The following GPR161 variants were observed in gnomAD, a reference collection of about 807,000 sequenced individuals.
GPR161 encodes G-protein coupled receptor RE2.
In GPR161, 25 loss-of-function variants were observed where a neutral mutation model predicts 39.2. The ratio of observed to expected loss-of-function variants is 0.64; its 90% CI spans 0.47 to 0.89. The LOEUF (loss-of-function observed/expected upper bound fraction) is 0.89, where lower values mean the gene tolerates loss of function less well. Among genes scored for constraint, GPR161 ranks in the 40% least tolerant of loss-of-function variants. The pLI is 0.00. For missense variants in GPR161, 547 were observed against 677.8 expected (o/e 0.81, Z 2.14); for synonymous variants, 286 against 276.6 (o/e 1.03, Z -0.34).
intron 3 of GPR161, among the ~76,000 whole-genome samples, chr1:168,094,344 C>T (rs1695336491): frequency 6.6e-6 from 1 of 152,108 alleles, no homozygotes; most frequent in African/African-American, 2.4e-5. Flanking sequence ...TGAAATGAAG[C>T]CCAACATTGA....
upstream of GPR161, chr1:168,137,522 C>G: frequency 1.2e-6 from 1 of 802,350 alleles, no homozygotes; most frequent in South Asian, 1.5e-5. Context: ...GTAAACAGGT[C>G]TTCACACTGC....
At chr1:168,097,718 T>C (rs1263545638) in intron 2 of GPR161, among the ~76,000 whole-genome samples, 5 of 152,140 alleles carry the variant, frequency 3.3e-5, no homozygotes, top group Non-Finnish European at 5.9e-5. Context: ...CTCCTGGAAA[T>C]GCAGTTGAGA....
rs1334770699 is a variant in GPR161, at chr1:168,097,232, G to A, written c.375C>T (p.Arg125=). ...MLTLGVIAID[R]YYAVLYPMVY... ...CCATGGGGTACAGGACAGCATAGTAGCTAGAAAAGGGATGGAGGGAGGCAA... is the reference window on the plus strand; with the variant it reads ...CCATGGGGTACAGGACAGCATAGTAACTAGAAAAGGGATGGAGGGAGGCAA... The change falls in exon 3 of 6, where the codon CGC becomes CGT. Residue 125 remains arginine (R), a splice_region_variant and synonymous_variant. Transcript: ENST00000682931. 9 of 1,603,370 alleles carry A rather than the reference G, an allele frequency of 5.6e-6. No homozygotes were observed. The Admixed American group carries it at 1.3e-4, about 24-fold the overall frequency.
At chr1:168,108,486 T>TAAAAAAAAAAAAA (rs10670498) in intron 1 of GPR161, among the ~76,000 whole-genome samples, 791 of 17,436 alleles carry the variant, frequency 0.045, 172 homozygotes, top group East Asian at 0.18. Flanking sequence ...GCCCTAGTTG[T>TAAAAAAAAAAAAA]AAAAAAAAAA....
At chr1:168,136,338 G>A in intron 1 of GPR161, 1 of 1,478,738 alleles carries the variant, frequency 6.8e-7, no homozygotes, top group Non-Finnish European at 9.0e-7. Context: ...GAGTCTCTTG[G>A]CCCCAGGGGG....
intron 1 of GPR161, among the ~76,000 whole-genome samples, chr1:168,110,406 G>A (rs1475196662): frequency 4.0e-5 from 6 of 148,944 alleles, no homozygotes; most frequent in African/African-American, 1.5e-4. Context: ...TGAGGTTGGA[G>A]AATAATCACC....
At chr1:168,114,155 A>G (rs1028165875) in intron 1 of GPR161, among the ~76,000 whole-genome samples, 8 of 152,182 alleles carry the variant, frequency 5.3e-5, no homozygotes, top group African/African-American at 1.7e-4. Flanking sequence ...AATTGTGTAA[A>G]TCTGGGTTAT....
chr1:168,119,006 G>T (rs1697869104), intron 1 of GPR161, among the ~76,000 whole-genome samples: 2 of 151,706 alleles, frequency 1.3e-5, no homozygotes, highest in African/African-American at 2.4e-5. Context: ...AAATGGTACA[G>T]CCACTGTGGA....
intron 1 of GPR161, among the ~76,000 whole-genome samples, chr1:168,127,898 C>T (rs894861980): frequency 5.3e-5 from 8 of 152,158 alleles, no homozygotes; most frequent in Non-Finnish European, 1.0e-4. Flanking sequence ...AGAAAAGATG[C>T]ATTGCAAGAG....
chr1:168,129,274 T>C (rs1306129165), intron 1 of GPR161, among the ~76,000 whole-genome samples: 4 of 152,202 alleles, frequency 2.6e-5, no homozygotes, highest in African/African-American at 9.6e-5. Context: ...TGCAAAGCCC[T>C]GAGGCTGAAA....
intron 1 of GPR161, among the ~76,000 whole-genome samples, chr1:168,120,185 G>A (rs1001899161): frequency 2.6e-5 from 4 of 152,224 alleles, no homozygotes; most frequent in African/African-American, 7.2e-5. Flanking sequence ...GAGCCACAGA[G>A]GTGGAGCTGC....
intron 1 of GPR161, among the ~76,000 whole-genome samples, chr1:168,123,033 TTTC>T (rs1223459058): frequency 1.3e-5 from 2 of 152,210 alleles, no homozygotes; most frequent in Non-Finnish European, 2.9e-5. Context: ...ACACTAGGCA[TTTC>T]TTGTTTACTC....
chr1:168,126,972 CTG>C (rs1488574532), intron 1 of GPR161, among the ~76,000 whole-genome samples: 1 of 152,098 alleles, frequency 6.6e-6, no homozygotes, highest in Non-Finnish European at 1.5e-5. Flanking sequence ...TTCCCTGTGA[CTG>C]TGTGTGTGTC....
chr1:168,134,857 T>C (rs1311479312), intron 1 of GPR161: 1 of 1,507,052 alleles, frequency 6.6e-7, no homozygotes, highest in East Asian at 2.5e-5. Context: ...GCACTCAGGC[T>C]TCCTGACTGG....
rs759498179 is a variant in GPR161, at chr1:168,090,644, G to A, written c.1124C>T (p.Thr375Ile). The A allele has an allele frequency of 3.6e-5, 58 of 1,610,580 alleles. No homozygotes were observed. The highest frequency in any genetic ancestry group is 2.0e-4 in the Admixed American group (12 of 59,916). The change falls in exon 4 of 6, where the codon ACT becomes ATT. Residue 375 changes from threonine to isoleucine, a missense_variant. Physicochemically the swap from Thr to Ile is moderately conservative, Grantham distance 89. Coordinates refer to ENST00000682931, the MANE Select transcript of GPR161 (RefSeq NM_001375883.1). The stretch of plus-strand genomic sequence containing the variant: ...GGGCTGTCCACCTGCCATGAGCGCA[G>A]TGAGGTGTGGGGACAGGCCCAGGTC... ...ITDLGLSPHLTALMAGGQPLG... is the reference protein window; with the variant it reads ...ITDLGLSPHLIALMAGGQPLG...
chr1:168,110,776 T>A (rs1272809902), intron 1 of GPR161, among the ~76,000 whole-genome samples: 1 of 151,674 alleles, frequency 6.6e-6, no homozygotes, highest in Non-Finnish European at 1.5e-5. Context: ...ATACAAAAAT[T>A]GTCTGGGTGT....
intron 1 of GPR161, among the ~76,000 whole-genome samples, chr1:168,121,178 G>A (rs1209782303): frequency 6.6e-6 from 1 of 152,062 alleles, no homozygotes; most frequent in Non-Finnish European, 1.5e-5. Flanking sequence ...GACTTTGTCT[G>A]GCATTAATTA....
At chr1:168,108,430 T>C (rs143488305) in intron 1 of GPR161, among the ~76,000 whole-genome samples, 219 of 115,428 alleles carry the variant, frequency 1.9e-3, no homozygotes, top group African/African-American at 7.2e-3. Context: ...AGATACAAAT[T>C]CACAATACGA....
At position 168,085,103 on chromosome 1, in the gene GPR161, G is replaced by T. The variant is rs1335897341; in HGVS notation, c.*428C>A. On this transcript the variant is annotated 3_prime_UTR_variant, in exon 6 of 6. Transcript: ENST00000682931. ...CATCCTTCACAGTACACTGGGGAGG[G>T]TTCTCCTCCTGAGGCATCTGGCACA... 4.4e-6 allele frequency: 2 copies of T among 459,190 alleles called. No individual in the cohort carries two copies. Among genetic ancestry groups the T allele is most frequent in the Non-Finnish European group, 8.7e-6 (2 of 229,298 alleles). 28.4% of individuals were successfully genotyped at this position (459,190 alleles called of 1,614,324 possible).
Sources: gnomAD v4.1 joint callset for allele counts (sites outside exome capture counted in the v4.1 genomes callset) on GRCh38, gnomAD v4.1.1 for gene constraint, MANE v1.5 for transcripts, NCBI Gene and HGNC (gene_info 2026-07-23, HGNC 2026-07-21) for gene names.